The following PKIB variants were observed in gnomAD, a reference collection of about 807,000 sequenced individuals.
PKIB encodes PKI-beta.
Under a neutral mutation model 4.5 loss-of-function variants are expected in PKIB, and 2 were observed. That is an observed-to-expected ratio of 0.44 (90% CI 0.18 to 1.39). The LOEUF (loss-of-function observed/expected upper bound fraction) is 1.39. Among genes scored for constraint, PKIB ranks in the 40% most tolerant of loss-of-function variants. The pLI, the probability that PKIB is intolerant of heterozygous loss-of-function variation, is 0.27. For missense variants in PKIB, 94 were observed against 92.6 expected (o/e 1.02, Z -0.06); for synonymous variants, 38 against 36.0 (o/e 1.06, Z -0.20).
At chr6:122,672,678 T>G (rs570021674) in intron 2 of PKIB, among the ~76,000 whole-genome samples, 2 of 152,058 alleles carry the variant, frequency 1.3e-5, no homozygotes, top group African/African-American at 4.8e-5. Context: ...TCTAATTATA[T>G]CTATTTATAT....
intron 3 of PKIB, among the ~76,000 whole-genome samples, chr6:122,592,926 G>A (rs1298431146): frequency 6.6e-6 from 1 of 152,088 alleles, no homozygotes; most frequent in Non-Finnish European, 1.5e-5. Context: ...ACTGGTTTGG[G>A]GTCTCAGGTA....
chr6:122,668,229 AG>A (rs757851374), intron 2 of PKIB, among the ~76,000 whole-genome samples: 28 of 152,222 alleles, frequency 1.8e-4, no homozygotes, highest in Admixed American at 7.2e-4. Context: ...AATGTGTACC[AG>A]TATTAAGAGT....
At position 122,521,679 on chromosome 6, in the gene PKIB, CAATAAA is replaced by C. The variant is rs200686206; in HGVS notation, c.-248+43746_-248+43751del. Among the ~76,000 whole-genome samples the C allele has an allele frequency of 1.6e-4, 25 of 151,946 alleles. No individual in the cohort carries two copies. In the East Asian group the frequency reaches 4.5e-3, roughly 27 times the overall value. ...TGGGTGACAGAGCGAGACTCCACCTCAATAAAAATAATAATAATAATAAAAGAAGAT... is the reference window on the plus strand; with the variant it reads ...TGGGTGACAGAGCGAGACTCCACCTCAATAATAATAATAATAAAAGAAGAT... On this transcript the variant is annotated intron_variant, in intron 2 of 6. Coordinates refer to the PKIB transcript ENST00000392491.
intron 4 of PKIB, among the ~76,000 whole-genome samples, chr6:122,721,462 A>G (rs1404900892): frequency 6.6e-6 from 1 of 152,146 alleles, no homozygotes; most frequent in Non-Finnish European, 1.5e-5. Context: ...TGTTACAGAG[A>G]CTTTAAAGTA....
At chr6:122,559,897 C>T (rs761200213) in intron 2 of PKIB, among the ~76,000 whole-genome samples, 16 of 152,054 alleles carry the variant, frequency 1.1e-4, no homozygotes, top group Admixed American at 3.3e-4. Flanking sequence ...ATCTTGTATC[C>T]GGAAACTTTG....
intron 2 of PKIB, among the ~76,000 whole-genome samples, chr6:122,499,411 A>G (rs1345293051): frequency 6.6e-6 from 1 of 152,212 alleles, no homozygotes; most frequent in Non-Finnish European, 1.5e-5. Flanking sequence ...GAATGTATGC[A>G]AATTAATAAA....
chr6:122,554,556 AATT>A (rs1185070799), intron 2 of PKIB, among the ~76,000 whole-genome samples: 4 of 152,198 alleles, frequency 2.6e-5, no homozygotes, highest in African/African-American at 9.7e-5. Flanking sequence ...GATGGCCAGG[AATT>A]ATTATCTTCA....
At chr6:122,538,618 C>A (rs1232262949) in intron 2 of PKIB, among the ~76,000 whole-genome samples, 1 of 152,048 alleles carries the variant, frequency 6.6e-6, no homozygotes, top group African/African-American at 2.4e-5. Flanking sequence ...AGCATGATGC[C>A]TCCGGCTTTG....
chr6:122,626,734 C>A (rs1775459716), intron 1 of PKIB, among the ~76,000 whole-genome samples: 1 of 152,122 alleles, frequency 6.6e-6, no homozygotes. Context: ...CATTTTATCA[C>A]CACTTGTACA....
intron 2 of PKIB, among the ~76,000 whole-genome samples, chr6:122,545,252 C>T (rs890095306): frequency 1.3e-5 from 2 of 151,872 alleles, no homozygotes; most frequent in African/African-American, 2.4e-5. Context: ...GCCCATCAGT[C>T]GTGGACTGGA....
chr6:122,514,229 T>A (rs1444942030), intron 2 of PKIB, among the ~76,000 whole-genome samples: 1 of 152,114 alleles, frequency 6.6e-6, no homozygotes, highest in Non-Finnish European at 1.5e-5. Context: ...GAAAAAAAAA[T>A]TCTTTCTTTG....
At chr6:122,611,641 A>G (rs1457610117) in intron 1 of PKIB, among the ~76,000 whole-genome samples, 2 of 152,182 alleles carry the variant, frequency 1.3e-5, no homozygotes, top group African/African-American at 4.8e-5. Flanking sequence ...TCATCTGTCC[A>G]CTTTATCTCT....
intron 1 of PKIB, among the ~76,000 whole-genome samples, chr6:122,630,658 AT>A (rs1470000511): frequency 6.6e-6 from 1 of 152,204 alleles, no homozygotes; most frequent in African/African-American, 2.4e-5. Context: ...AAAAATGATT[AT>A]GATACATTTT....
intron 2 of PKIB, among the ~76,000 whole-genome samples, chr6:122,523,135 T>G (rs1776993542): frequency 6.6e-6 from 1 of 152,174 alleles, no homozygotes; most frequent in South Asian, 2.1e-4. Flanking sequence ...ATAAATGGCC[T>G]TTATTATGTT....
intron 3 of PKIB, chr6:122,701,634 A>G (rs1778816045): frequency 9.8e-7 from 1 of 1,023,164 alleles, no homozygotes. Context: ...CCCTTGCCAA[A>G]TAACTCAGAA....
chr6:122,677,344 A>T (rs10872243), intron 3 of PKIB, among the ~76,000 whole-genome samples: 47,204 of 151,806 alleles, frequency 0.31, 8,058 homozygotes, highest in East Asian at 0.5. Context: ...TGTTTTTTTT[A>T]AAACTGCCTC....
In PKIB at chr6:122,725,824, A is replaced by G. The variant is rs1462845985; in HGVS notation, c.*629A>G. On this transcript the variant is annotated 3_prime_UTR_variant, in exon 5 of 5. Coordinates refer to ENST00000368452, the MANE Select transcript of PKIB (RefSeq NM_181795.3). Reference sequence around the variant, plus strand: ...CTACTGTGATTTTTTTCATGTGGAAAATGCAAAATTTGTAACAAAATGGTT... The same window carrying G: ...CTACTGTGATTTTTTTCATGTGGAAGATGCAAAATTTGTAACAAAATGGTT... 6.6e-6 allele frequency: 1 copy of G among 152,222 alleles called. No individual in the cohort carries two copies. The highest frequency in any genetic ancestry group is 1.9e-4 in the East Asian group (1 of 5,202). The allele number at this position is 152,222 out of a possible 1,614,324, so 9.4% of individuals were successfully genotyped here.
chr6:122,699,984 A>G (rs1347794117), intron 3 of PKIB, among the ~76,000 whole-genome samples: 4 of 152,156 alleles, frequency 2.6e-5, no homozygotes, highest in Admixed American at 2.0e-4. Context: ...TCTGAGCCCT[A>G]ATGCCAGTTA....
chr6:122,631,586 T>C (rs962603227), intron 1 of PKIB, among the ~76,000 whole-genome samples: 4 of 152,208 alleles, frequency 2.6e-5, no homozygotes, highest in African/African-American at 4.8e-5. Context: ...GGAATTTCAT[T>C]GTATGTGATC....
Sources: allele counts gnomAD v4.1 joint callset (sites outside exome capture counted in the v4.1 genomes callset), GRCh38; gene constraint gnomAD v4.1.1; transcripts MANE v1.5; gene names NCBI Gene and HGNC (gene_info 2026-07-23, HGNC 2026-07-21).